The following TRHDE variants were observed in gnomAD, a reference collection of about 807,000 sequenced individuals.
TRHDE encodes thyrotropin-releasing hormone-degrading ectoenzyme.
TRHDE carries 72 observed loss-of-function variants against 125.7 expected under a neutral mutation model. That is an observed-to-expected ratio of 0.57 (90% confidence interval 0.47 to 0.70). The LOEUF (loss-of-function observed/expected upper bound fraction) is 0.70, where lower values mean the gene tolerates loss of function less well. Among genes scored for constraint, TRHDE ranks in the 30% least tolerant of loss-of-function variants. TRHDE has a pLI of 0.00. For synonymous variants in TRHDE, 509 were observed against 509.1 expected, an observed-to-expected ratio of 1.00 and a Z score of 0.00; for missense variants, 1,110 against 1,327.1, an observed-to-expected ratio of 0.84 and a Z score of 2.54.
chr12:72,229,317 G>A (rs1878201830), intron 2 of TRHDE, among the ~76,000 whole-genome samples: 2 of 152,186 alleles, frequency 1.3e-5, no homozygotes, highest in Non-Finnish European at 2.9e-5. Flanking sequence ...GAGTGAGCTT[G>A]TGCAGGGGAA....
chr12:72,580,574 T>C (rs1187476249), intron 12 of TRHDE, among the ~76,000 whole-genome samples: 2 of 152,334 alleles, frequency 1.3e-5, no homozygotes, highest in Middle Eastern at 3.4e-3. Flanking sequence ...CCTGAGTAGC[T>C]GGGATTACAG....
intron 9 of TRHDE, 21 bp downstream of exon 9, chr12:72,563,061 T>A (rs1870260552): frequency 1.3e-6 from 2 of 1,498,172 alleles, no homozygotes; most frequent in African/African-American, 2.8e-5. Flanking sequence ...CTTTTTTACG[T>A]GAAAAATATT....
At chr12:72,369,633 T>C in intron 2 of TRHDE, among the ~76,000 whole-genome samples, 1 of 152,170 alleles carries the variant, frequency 6.6e-6, no homozygotes, top group East Asian at 1.9e-4. Context: ...GAAGGAACTT[T>C]GAGCTGAGAC....
chr12:72,610,552 C>T (rs1395948853), intron 12 of TRHDE: 18 of 152,178 alleles, frequency 1.2e-4, no homozygotes, highest in African/African-American at 4.1e-4. Flanking sequence ...TATAGAAAAA[C>T]AATCTGAGCT....
rs911007139 is a variant in TRHDE at position 72,520,125 on chromosome 12, C to T, written c.1722+20490C>T. On this transcript the variant is annotated intron_variant, in intron 6 of 18. Transcript: ENST00000261180. ...CTGTGCCCTGCCCCCAGAGGTGGAGCCTACAGAGGCAGGCAGGCCTCCTTG... is the reference window on the plus strand; with the variant it reads ...CTGTGCCCTGCCCCCAGAGGTGGAGTCTACAGAGGCAGGCAGGCCTCCTTG... 8.5e-5 allele frequency among the ~76,000 whole-genome samples: 13 copies of T among 152,328 alleles called. No individual in the cohort carries two copies. The East Asian group carries it at 2.3e-3, about 27-fold the overall frequency.
chr12:72,359,848 C>T (rs1039062486), intron 2 of TRHDE, among the ~76,000 whole-genome samples: 1 of 151,658 alleles, frequency 6.6e-6, no homozygotes, highest in African/African-American at 2.4e-5. Context: ...GGGTATTGGT[C>T]TTACAAGGCT....
intron 12 of TRHDE, among the ~76,000 whole-genome samples, chr12:72,597,181 C>T (rs1592562243): frequency 1.3e-5 from 2 of 152,288 alleles, no homozygotes; most frequent in East Asian, 1.9e-4. Context: ...TCTAGTTATA[C>T]ACTGCTATGC....
At chr12:72,307,487 G>A (rs2135695485) in intron 2 of TRHDE, among the ~76,000 whole-genome samples, 1 of 152,166 alleles carries the variant, frequency 6.6e-6, no homozygotes, top group Non-Finnish European at 1.5e-5. Context: ...TATTTCAAAA[G>A]AATCTCTTTG....
At position 72,333,707 on chromosome 12, in the gene TRHDE, A is replaced by T. The variant is rs533940843; in HGVS notation, c.1189-44288A>T. Among the ~76,000 whole-genome samples, 10 of 152,328 alleles carry T rather than the reference A, an allele frequency of 6.6e-5. No individual in the cohort carries two copies. The South Asian group carries it at 2.1e-3, about 32-fold the overall frequency. ...TACACTTCTAAAGATGGAAATGGGG[A>T]CAAAAATATCTTAACACCATCAGAT... On this transcript the variant is annotated intron_variant, in intron 2 of 18. Coordinates refer to ENST00000261180, the MANE Select transcript of TRHDE (RefSeq NM_013381.3).
At chr12:72,627,189 CT>C (rs1873295001) in intron 15 of TRHDE, among the ~76,000 whole-genome samples, 1 of 151,890 alleles carries the variant, frequency 6.6e-6, no homozygotes. Context: ...AAAATCTCAA[CT>C]GTATTTCTGA....
chr12:72,271,963 TGGA>T, upstream of TRHDE: 1 of 456,590 alleles, frequency 2.2e-6, no homozygotes, highest in Non-Finnish European at 4.4e-6. Context: ...GTGCCCAGGG[TGGA>T]GAAGGCTTTT....
chr12:72,505,495 A>G (rs543722982), intron 6 of TRHDE, among the ~76,000 whole-genome samples: 1 of 152,294 alleles, frequency 6.6e-6, no homozygotes, highest in East Asian at 1.9e-4. Context: ...ATATGATGCC[A>G]AGGTGGAGAG....
At chr12:72,294,705 C>A (rs1235553394) in intron 2 of TRHDE, among the ~76,000 whole-genome samples, 2 of 152,110 alleles carry the variant, frequency 1.3e-5, no homozygotes, top group African/African-American at 4.8e-5. Context: ...GGGACCCGCC[C>A]CCTTCCACCC....
intron 15 of TRHDE, among the ~76,000 whole-genome samples, chr12:72,632,560 G>A (rs1873540061): frequency 6.6e-6 from 1 of 151,944 alleles, no homozygotes; most frequent in Middle Eastern, 3.4e-3. Context: ...TTGGCAGCCT[G>A]CTGTTCAGTG....
intron 12 of TRHDE, among the ~76,000 whole-genome samples, chr12:72,590,308 G>A (rs1448494359): frequency 6.8e-6 from 1 of 146,762 alleles, no homozygotes; most frequent in Non-Finnish European, 1.5e-5. Flanking sequence ...CATACCATAT[G>A]TACATAAGAA....
intron 2 of TRHDE, among the ~76,000 whole-genome samples, chr12:72,313,852 ACT>A (rs1309838633): frequency 1.3e-5 from 2 of 152,172 alleles, no homozygotes; most frequent in Non-Finnish European, 1.5e-5. Flanking sequence ...ATCAGGACAA[ACT>A]CTTTCAGAAA....
At chr12:72,169,490 T>C (rs1293549174) in intron 2 of TRHDE, among the ~76,000 whole-genome samples, 1 of 152,142 alleles carries the variant, frequency 6.6e-6, no homozygotes, top group African/African-American at 2.4e-5. Context: ...TCTTCCTGGC[T>C]GGTAGATGGA....
intron 3 of TRHDE, among the ~76,000 whole-genome samples, chr12:72,449,892 C>T (rs1397687802): frequency 6.6e-6 from 1 of 152,002 alleles, no homozygotes; most frequent in African/African-American, 2.4e-5. Flanking sequence ...TTTTCCCTCT[C>T]CTTCCTCACT....
intron 6 of TRHDE, among the ~76,000 whole-genome samples, chr12:72,503,682 G>T (rs1878245737): frequency 6.6e-6 from 1 of 152,098 alleles, no homozygotes; most frequent in South Asian, 2.1e-4. Context: ...CCTTTCTTCA[G>T]TTTATTGAAT....
Sources: allele counts gnomAD v4.1 joint callset (sites outside exome capture counted in the v4.1 genomes callset), GRCh38; gene constraint gnomAD v4.1.1; transcripts MANE v1.5; gene names NCBI Gene and HGNC (gene_info 2026-07-23, HGNC 2026-07-21).